Variants in C8A observed in about 807,000 individuals in gnomAD.
C8A encodes complement C8 alpha chain, also known as complement component C8 alpha chain.
C8A carries 67 observed loss-of-function variants against 65.3 expected under a neutral mutation model. That is an observed-to-expected ratio of 1.03 (90% CI 0.84 to 1.26). The LOEUF is 1.26. C8A is among the 50% of genes most tolerant of loss of function. The pLI is 0.00. For missense variants in C8A, 781 were observed against 723.9 expected (o/e 1.08, Z -0.90); for synonymous variants, 290 against 259.4 (o/e 1.12, Z -1.13).
intron 6 of C8A, among the ~76,000 whole-genome samples, chr1:56,885,316 A>ATATATATTTATGTAAATATATATT (rs1557705445): frequency 5.9e-5 from 4 of 67,562 alleles, no homozygotes; most frequent in African/African-American, 4.3e-4. Flanking sequence ...ATTTACATAA[A>ATATATATTTATGTAAATATATATT]TATATTTATT....
chr1:56,884,778 C>A (rs915436368), intron 6 of C8A, among the ~76,000 whole-genome samples: 1 of 151,986 alleles, frequency 6.6e-6, no homozygotes, highest in Non-Finnish European at 1.5e-5. Flanking sequence ...TATAAAGATG[C>A]TGCTTTTCTT....
chr1:56,865,180 T>C (rs1644072936), intron 1 of C8A, among the ~76,000 whole-genome samples: 1 of 152,222 alleles, frequency 6.6e-6, no homozygotes, highest in African/African-American at 2.4e-5. Flanking sequence ...GTATGATGGT[T>C]GTCTTGAGGA....
At chr1:56,858,873 G>A (rs1015739207) in intron 1 of C8A, among the ~76,000 whole-genome samples, 4 of 152,126 alleles carry the variant, frequency 2.6e-5, no homozygotes, top group African/African-American at 9.7e-5. Flanking sequence ...ACCACGTAGT[G>A]GCTATGGAAG....
rs751171820 is a variant in C8A at position 56,912,429 on chromosome 1, G to A, written c.1407G>A (p.Arg469=). The A allele has an allele frequency of 2.5e-6, 4 of 1,614,224 alleles. No individual in the cohort carries two copies. Among genetic ancestry groups the A allele is most frequent in the Non-Finnish European group, 3.4e-6 (4 of 1,180,032 alleles). ...TGCAGCCTATCCACGAGGTGCTGCG[G>A]CACACAAGCCTGGGGCCTCTGGAGG... The part of the protein sequence containing the change: ...FEMQPIHEVL[R]HTSLGPLEAK... Residue 469 remains arginine (R), a synonymous_variant, in exon 10 of 11, where the codon CGG becomes CGA. Coordinates refer to ENST00000361249, the MANE Select transcript of C8A (RefSeq NM_000562.3).
At chr1:56,917,440 C>T in intron 10 of C8A, 125 bp from the exon 11 acceptor site, 1 of 918,478 alleles carries the variant, frequency 1.1e-6, no homozygotes. Context: ...CTGCAGTCGA[C>T]CAGAGGAGGG....
chr1:56,874,640 T>C (rs543355004), intron 2 of C8A, among the ~76,000 whole-genome samples: 1 of 152,240 alleles, frequency 6.6e-6, no homozygotes, highest in East Asian at 1.9e-4. Context: ...GAAAGATTAA[T>C]AGGAATTTAA....
At chr1:56,898,681 T>G (rs896356383) in intron 7 of C8A, among the ~76,000 whole-genome samples, 5 of 152,096 alleles carry the variant, frequency 3.3e-5, no homozygotes, top group Non-Finnish European at 5.9e-5. Context: ...ATCACACTAT[T>G]GCAGCTGCTT....
intron 4 of C8A, among the ~76,000 whole-genome samples, chr1:56,880,348 A>G (rs1396611576): frequency 6.6e-6 from 1 of 152,134 alleles, no homozygotes; most frequent in Non-Finnish European, 1.5e-5. Flanking sequence ...TGGGCTAGGG[A>G]AAAGTAAGTA....
chr1:56,898,741 G>A (rs976573902), intron 7 of C8A, among the ~76,000 whole-genome samples: 1 of 152,064 alleles, frequency 6.6e-6, no homozygotes, highest in Non-Finnish European at 1.5e-5. Context: ...CTTGCCCATT[G>A]ATTGAGCATG....
At chr1:56,880,805 T>C (rs986026163) in intron 4 of C8A, among the ~76,000 whole-genome samples, 2 of 152,206 alleles carry the variant, frequency 1.3e-5, no homozygotes, top group Admixed American at 6.5e-5. Flanking sequence ...TCAACTCATT[T>C]AACTCTATGA....
At chr1:56,877,419 A>T (rs1644209053) in intron 4 of C8A, among the ~76,000 whole-genome samples, 1 of 151,956 alleles carries the variant, frequency 6.6e-6, no homozygotes, top group Non-Finnish European at 1.5e-5. Flanking sequence ...CACAGCTCTT[A>T]CCCAATAGGC....
chr1:56,880,003 T>C (rs1164792624), intron 4 of C8A, among the ~76,000 whole-genome samples: 2 of 152,136 alleles, frequency 1.3e-5, no homozygotes, highest in Non-Finnish European at 2.9e-5. Context: ...ACAGCAGTCT[T>C]TCCAGAGCAT....
chr1:56,881,865 G>A lies in C8A; in HGVS notation c.654+231G>A, dbSNP rs1175888681. 2.6e-5 allele frequency among the ~76,000 whole-genome samples: 4 copies of A among 152,172 alleles called. No homozygotes were observed. In the East Asian group the frequency reaches 7.7e-4, roughly 29 times the overall value. Reference sequence around the variant, plus strand: ...AAATCTTGGCTCCATTCCAAAATCAGTAAAATAGATCTGAGGCTCTATTAT... The same window carrying A: ...AAATCTTGGCTCCATTCCAAAATCAATAAAATAGATCTGAGGCTCTATTAT... On this transcript the variant is annotated intron_variant, in intron 5 of 10. Coordinates refer to ENST00000361249, the MANE Select transcript of C8A (RefSeq NM_000562.3).
At chr1:56,896,970 G>A (rs1157466854) in intron 7 of C8A, among the ~76,000 whole-genome samples, 2 of 152,178 alleles carry the variant, frequency 1.3e-5, no homozygotes, top group Non-Finnish European at 2.9e-5. Context: ...GGACCACCAG[G>A]CACTGAAAGG....
chr1:56,863,705 T>C (rs932655648), intron 1 of C8A, among the ~76,000 whole-genome samples: 3 of 152,222 alleles, frequency 2.0e-5, no homozygotes, highest in Non-Finnish European at 4.4e-5. Flanking sequence ...TAACCAACCC[T>C]GAGCCATTTG....
intron 1 of C8A, among the ~76,000 whole-genome samples, chr1:56,856,940 T>A (rs1295846099): frequency 6.6e-6 from 1 of 152,136 alleles, no homozygotes; most frequent in African/African-American, 2.4e-5. Context: ...TGGGTCTCTA[T>A]TACATATTTT....
rs1644184892 is a variant in C8A, at chr1:56,875,029, C to T, written c.252C>T (p.Cys84=). 6.2e-7 allele frequency: 1 copy of T among 1,613,770 alleles called. No individual in the cohort carries two copies. Among genetic ancestry groups the T allele is most frequent in the Non-Finnish European group, 8.5e-7 (1 of 1,179,802 alleles). ...GTGACATCTGGGATCAAGCCAGCTG[C>T]TCCAGTTCTACAACTTGTGTAAGGC... ...CSGDIWDQAS[C]SSSTTCVRQA... Residue 84 remains cysteine (C), a synonymous_variant, in exon 3 of 11, where the codon TGC becomes TGT. Coordinates refer to ENST00000361249, the MANE Select transcript of C8A (RefSeq NM_000562.3).
At chr1:56,859,756 T>C (rs974163659) in intron 1 of C8A, among the ~76,000 whole-genome samples, 8 of 85,244 alleles carry the variant, frequency 9.4e-5, no homozygotes, top group Non-Finnish European at 1.3e-4. Flanking sequence ...TCAATAAATA[T>C]ATAAAAAAAA....
In C8A at chr1:56,912,401, A is replaced by G; in HGVS notation, c.1381-2A>G. The G allele has an allele frequency of 6.2e-7, 1 of 1,614,066 alleles. No individual in the cohort carries two copies. Among genetic ancestry groups the G allele is most frequent in the South Asian group, 1.1e-5 (1 of 91,084 alleles). On this transcript the variant is annotated splice_acceptor_variant, in intron 9 of 10. Transcript: ENST00000361249. LOFTEE classifies it high-confidence loss of function. Reference sequence around the variant, plus strand: ...GGCCCTGTGTTCTTTCTGTGCCCACAGATGCAGCCTATCCACGAGGTGCTG... The same window carrying G: ...GGCCCTGTGTTCTTTCTGTGCCCACGGATGCAGCCTATCCACGAGGTGCTG...
Sources: allele counts gnomAD v4.1 joint callset (sites outside exome capture counted in the v4.1 genomes callset), GRCh38; gene constraint gnomAD v4.1.1; transcripts MANE v1.5; gene names NCBI Gene and HGNC (gene_info 2026-07-23, HGNC 2026-07-21).